Variants in AP3D1 observed in about 807,000 individuals in gnomAD.
The protein encoded by AP3D1 is adaptor related protein complex 3 subunit delta 1, also known as AP-3 complex subunit delta-1.
AP3D1 carries 51 observed loss-of-function variants against 147.6 expected under a neutral mutation model. The observed-to-expected ratio is 0.35, with a 90% CI of 0.28 to 0.44. The LOEUF is 0.44. AP3D1 is among the 20% of genes least tolerant of loss of function. AP3D1 has a pLI of 1.00. For missense variants in AP3D1, 1,421 were observed against 1,624.2 expected (o/e 0.87, Z 2.15); for synonymous variants, 760 against 663.0 (o/e 1.15, Z -2.25).
chr19:2,137,265 G>C (rs2019101503), intron 3 of AP3D1, among the ~76,000 whole-genome samples, 174 bp from the exon 4 acceptor site: 1 of 151,984 alleles, frequency 6.6e-6, no homozygotes, highest in Non-Finnish European at 1.5e-5. Context: ...AACCAACGCA[G>C]ATTTCTTCAA....
At chr19:2,139,991 C>T (rs1402887971) in intron 1 of AP3D1, among the ~76,000 whole-genome samples, 2 of 152,228 alleles carry the variant, frequency 1.3e-5, no homozygotes, top group East Asian at 1.9e-4. Flanking sequence ...GGCACAGACA[C>T]ATAATATTTT....
intron 4 of AP3D1, among the ~76,000 whole-genome samples, chr19:2,135,600 C>G (rs1034173785): frequency 2.0e-5 from 3 of 152,176 alleles, no homozygotes; most frequent in Non-Finnish European, 4.4e-5. Flanking sequence ...GCACGTGATC[C>G]TACACAGAGG....
In AP3D1 at chr19:2,105,829, C is replaced by T. The variant is rs144929969; in HGVS notation, c.3552+2858G>A. The stretch of plus-strand genomic sequence containing the variant: ...GGCTGCCGTCAGCCGGGCGCGGGGG[C>T]TCGTGCTTCTAATACCAGCACTTTG... On this transcript the variant is annotated intron_variant, in intron 31 of 31. Coordinates refer to ENST00000643116, the MANE Select transcript of AP3D1 (RefSeq NM_001261826.3). Among the ~76,000 whole-genome samples the T allele has an allele frequency of 3.3e-3, 503 of 152,296 alleles. 3 individuals are homozygous for T. Among genetic ancestry groups the T allele is most frequent in the African/African-American group, 0.012 (481 of 41,546 alleles).
At chr19:2,134,012 G>A (rs1374136662) in intron 4 of AP3D1, among the ~76,000 whole-genome samples, 1 of 152,000 alleles carries the variant, frequency 6.6e-6, no homozygotes. Context: ...AGAGGCTGAG[G>A]CAGGAGAATT....
At chr19:2,123,441 C>T in intron 10 of AP3D1, 35 bp from the exon 11 acceptor site, 1 of 1,611,150 alleles carries the variant, frequency 6.2e-7, no homozygotes. Flanking sequence ...TGGTTACATC[C>T]TCTAAACCAA....
At chr19:2,133,605 A>G (rs2019005052) in intron 4 of AP3D1, 1 of 152,092 alleles carries the variant, frequency 6.6e-6, no homozygotes, top group Non-Finnish European at 1.5e-5. Context: ...CCCAAGTTCA[A>G]GCAATTCTCT....
At position 2,115,242 on chromosome 19, in the gene AP3D1, T is replaced by G. The variant is rs764371675; in HGVS notation, c.2326A>C (p.Ile776Leu). The G allele has an allele frequency of 6.2e-7, 1 of 1,613,452 alleles. No homozygotes were observed. Among genetic ancestry groups the G allele is most frequent in the Non-Finnish European group, 8.5e-7 (1 of 1,179,980 alleles). The change falls in exon 20 of 32, where the codon ATC (isoleucine) becomes CTC (leucine). Residue 776 changes from isoleucine to leucine, a missense_variant. Ile to Leu is a conservative substitution (Grantham distance 5, BLOSUM62 2). Transcript: ENST00000643116. ...EDIAPAQQVD[I>L]VTEEMPENAL... is the part of the protein sequence containing the mutation. The stretch of plus-strand genomic sequence containing the variant: ...ACCTCAGGCATCTCCTCTGTGACGA[T>G]GTCCACCTGCTGGGCAGGGGCGATG...
At position 2,114,758 on chromosome 19, in the gene AP3D1, C is replaced by A; in HGVS notation, c.2413G>T (p.Asp805Tyr). 6.2e-7 allele frequency: 1 copy of A among 1,613,746 alleles called. No individual in the cohort carries two copies. The highest frequency in any genetic ancestry group is 8.5e-7 in the Non-Finnish European group (1 of 1,179,822). The stretch of plus-strand genomic sequence containing the variant: ...CCCATATGGACTCACTTATCCAGGT[C>A]AATATCCAGAGCCCTGTAGGGGTCG... ...PNDPYRALDI[D>Y]LDKPLADSEK... The change falls in exon 21 of 32, where the codon GAC (aspartate) becomes TAC (tyrosine). Residue 805 changes from aspartate to tyrosine, a missense_variant. Physicochemically the swap from Asp to Tyr is radical, Grantham distance 160. Coordinates refer to ENST00000643116, the MANE Select transcript of AP3D1 (RefSeq NM_001261826.3).
intron 4 of AP3D1, among the ~76,000 whole-genome samples, chr19:2,135,850 C>T (rs1280288369): frequency 6.6e-6 from 1 of 152,136 alleles, no homozygotes; most frequent in Non-Finnish European, 1.5e-5. Context: ...CAGCTGCCAC[C>T]TGGGTACCTA....
rs573877797 is a variant in AP3D1 at position 2,111,934 on chromosome 19, C to T, written c.2788-106G>A. 14 of 1,555,558 alleles carry T rather than the reference C, an allele frequency of 9.0e-6. No homozygotes were observed. The Admixed American group carries it at 1.7e-4, about 19-fold the overall frequency. On this transcript the variant is annotated intron_variant, in intron 24 of 31. Coordinates refer to ENST00000643116, the MANE Select transcript of AP3D1 (RefSeq NM_001261826.3). ...AGGGCTGCTCAGGCTGAGGGTCCCA[C>T]GTGCCTGGGTGGGATGGCAGGACCA...
intron 5 of AP3D1, 99 bp downstream of exon 5, chr19:2,132,372 G>A (rs1216237215): frequency 3.5e-5 from 39 of 1,103,328 alleles, no homozygotes; most frequent in East Asian, 4.9e-5. Flanking sequence ...CGGGGACCCC[G>A]GCCGGTTTCC....
intron 31 of AP3D1, among the ~76,000 whole-genome samples, chr19:2,108,273 A>C (rs1943959023): frequency 6.6e-6 from 1 of 152,218 alleles, no homozygotes; most frequent in Non-Finnish European, 1.5e-5. Context: ...GGCAGTCGAC[A>C]CACTGCGAAG....
chr19:2,111,318 G>A lies in AP3D1; in HGVS notation c.2952C>T (p.Tyr984=). Reference sequence around the variant, plus strand: ...CATAGGAATTTTCAGCGAGGAGGGAGTAGCTGGACTCAGGCTGGAAATAGA... The same window carrying A: ...CATAGGAATTTTCAGCGAGGAGGGAATAGCTGGACTCAGGCTGGAAATAGA... ...EEEQLPPESS[Y]SLLAENSYVK... Residue 984 remains tyrosine, a synonymous_variant, in exon 26 of 32, where the codon TAC becomes TAT. Coordinates refer to ENST00000643116, the MANE Select transcript of AP3D1 (RefSeq NM_001261826.3). 3 of 1,614,046 alleles carry A rather than the reference G, an allele frequency of 1.9e-6. No individual in the cohort carries two copies. The highest frequency in any genetic ancestry group is 1.1e-5 in the South Asian group (1 of 91,088).
At chr19:2,133,791 A>G (rs1194932978) in intron 4 of AP3D1, among the ~76,000 whole-genome samples, 2 of 147,672 alleles carry the variant, frequency 1.4e-5, no homozygotes, top group Admixed American at 6.8e-5. Context: ...CGTGAGCCAC[A>G]GTGCGGGGCC....
chr19:2,115,183 A>C, intron 20 of AP3D1, 36 bp downstream of exon 20: 5 of 1,587,578 alleles, frequency 3.1e-6, no homozygotes, highest in Non-Finnish European at 3.4e-6. Flanking sequence ...GCGGAAAGAT[A>C]GACATCCTAG....
At chr19:2,164,122 C>T in intron 1 of AP3D1, 1 of 760,212 alleles carries the variant, frequency 1.3e-6, no homozygotes, top group Non-Finnish European at 1.7e-6. Flanking sequence ...CCTCCGCCCA[C>T]CGGCGGCCCC....
At chr19:2,152,067 C>T (rs1217228017), upstream of AP3D1, among the ~76,000 whole-genome samples, 1 of 152,244 alleles carries the variant, frequency 6.6e-6, no homozygotes, top group Non-Finnish European at 1.5e-5. Context: ...CAGACATTAA[C>T]ATGCCCACAG....
intron 1 of AP3D1, among the ~76,000 whole-genome samples, chr19:2,143,699 C>G (rs548436219): frequency 6.6e-6 from 1 of 152,046 alleles, no homozygotes; most frequent in African/African-American, 2.4e-5. Context: ...CCCAGGAAGT[C>G]AATGCTGTAG....
chr19:2,138,612 C>T lies in AP3D1; in HGVS notation c.192+7G>A, dbSNP rs1329559066. ...GTGCTGGGCGCTGGCCACTGGGAGG[C>T]ACTTACATACGTCAGCTTGCAGACC... On this transcript the variant is annotated splice_region_variant and intron_variant, in intron 2 of 31. Coordinates refer to ENST00000643116, the MANE Select transcript of AP3D1 (RefSeq NM_001261826.3). The T allele has an allele frequency of 6.2e-7, 1 of 1,612,416 alleles. No individual in the cohort carries two copies. Among genetic ancestry groups the T allele is most frequent in the East Asian group, 2.2e-5 (1 of 44,894 alleles).
Sources: allele counts gnomAD v4.1 joint callset (sites outside exome capture counted in the v4.1 genomes callset), GRCh38; gene constraint gnomAD v4.1.1; transcripts MANE v1.5; gene names NCBI Gene and HGNC (gene_info 2026-07-23, HGNC 2026-07-21).